NLRX1: variants seen among roughly 807,000 people sequenced by gnomAD.
NLRX1 encodes the protein NLR family member X1.
NLRX1 carries 67 observed loss-of-function variants against 74.2 expected under a neutral mutation model. The ratio of observed to expected loss-of-function variants is 0.90; its 90% CI spans 0.74 to 1.11. The LOEUF is 1.11. Ranked by LOEUF, NLRX1 falls within the 50% of genes least tolerant of loss-of-function variation. The pLI, the probability that NLRX1 is intolerant of heterozygous loss-of-function variation, is 0.00. For missense variants in NLRX1, 1,191 were observed against 1,305.4 expected, an observed-to-expected ratio of 0.91 and a Z score of 1.35; for synonymous variants, 506 against 559.1, an observed-to-expected ratio of 0.91 and a Z score of 1.34.
intron 6 of NLRX1, among the ~76,000 whole-genome samples, chr11:119,175,709 G>A (rs926279371): frequency 6.6e-6 from 1 of 152,098 alleles, no homozygotes; most frequent in African/African-American, 2.4e-5. Flanking sequence ...CACCAGAGAC[G>A]GGTTTATAAA....
Position 119,183,736 on chromosome 11 carries a change from C to G in NLRX1, c.*297C>G. The G allele has an allele frequency of 1.3e-6, 1 of 777,132 alleles. No individual in the cohort carries two copies. The highest frequency in any genetic ancestry group is 2.4e-6 in the Non-Finnish European group (1 of 417,574). 48.1% of individuals were successfully genotyped at this position (777,132 alleles called of 1,614,324 possible). On this transcript the variant is annotated 3_prime_UTR_variant, in exon 10 of 10. Transcript: ENST00000409109. The surrounding 1 kb of genome is among the most constrained non-coding windows in gnomAD (Gnocchi z 5.7). ...TGGATGGCCAGAGTGCCCTGAAGCA[C>G]CACTACCAACCTTGCCTCCCCCTCC...
rs1948786350 is a variant in NLRX1, at chr11:119,179,817, C to T, written c.1796C>T (p.Ala599Val). The change falls in exon 7 of 10, where the codon GCC becomes GTC. Residue 599 changes from alanine to valine, a missense_variant. Ala to Val is a moderately conservative substitution (Grantham distance 64). Coordinates refer to ENST00000409109, the MANE Select transcript of NLRX1 (RefSeq NM_001282144.2). ...YNDDVLDQMG[A>V]SILGVEGPRR... ...GATGATGTTCTGGACCAGATGGGCG[C>T]CAGTATCCTGGGCGTGGAGGGCCCC... 6.2e-7 allele frequency: 1 copy of T among 1,614,198 alleles called. No homozygotes were observed. Among genetic ancestry groups the T allele is most frequent in the Non-Finnish European group, 8.5e-7 (1 of 1,180,042 alleles).
At chr11:119,177,091 T>C (rs1029573424) in intron 6 of NLRX1, among the ~76,000 whole-genome samples, 4 of 152,128 alleles carry the variant, frequency 2.6e-5, no homozygotes, top group African/African-American at 9.7e-5. Flanking sequence ...TTTGTTTGTT[T>C]GTTTTTTTGA....
rs576632361 is a variant in NLRX1 at position 119,174,222 on chromosome 11, C to T, written c.849+124C>T. 5.2e-4 allele frequency: 660 copies of T among 1,264,684 alleles called. 15 individuals are homozygous for T. The South Asian group carries it at 8.8e-3, about 17-fold the overall frequency. The allele number at this position is 1,264,684 out of a possible 1,614,324, so 78.3% of individuals were successfully genotyped here. A position where few individuals can be genotyped will look rare whatever the true frequency, so the allele number is the denominator to read the frequency against. The stretch of plus-strand genomic sequence containing the variant: ...GCGACCCTGAGCAAGTCAGTAACTT[C>T]CCCAGCCTTCTGTTCCTTTCTTTTT... On this transcript the variant is annotated intron_variant, in intron 5 of 9. Coordinates refer to ENST00000409109, the MANE Select transcript of NLRX1 (RefSeq NM_001282144.2).
In NLRX1 at chr11:119,174,965, G is replaced by A. The variant is rs1232041387; in HGVS notation, c.1362G>A (p.Glu454=). The A allele has an allele frequency of 6.2e-7, 1 of 1,614,076 alleles. No homozygotes were observed. The highest frequency in any genetic ancestry group is 8.5e-7 in the Non-Finnish European group (1 of 1,180,048). ...FSEEDVCGCL[E]AGIRTEEEFQ... ...AAGAGGATGTCTGTGGCTGCCTGGA[G>A]GCTGGCATCAGGACGGAGGAGGAGT... The change falls in exon 6 of 10, where the codon GAG becomes GAA. Residue 454 remains glutamate (E), a synonymous_variant. Coordinates refer to ENST00000409109, the MANE Select transcript of NLRX1 (RefSeq NM_001282144.2).
rs142253287 is a variant in NLRX1, at chr11:119,183,319, A to T, written c.2808A>T (p.Leu936=). 1 of 1,614,204 alleles carries T rather than the reference A, an allele frequency of 6.2e-7. No homozygotes were observed. Among genetic ancestry groups the T allele is most frequent in the African/African-American group, 1.3e-5 (1 of 75,050 alleles). ...GGGTTCAGCGACACCTTGAGCTCCT[A>T]CTGCGGGATCTGGAAGATAGCCGGG... The part of the protein sequence containing the change: ...RARVQRHLEL[L]LRDLEDSRGA... The change falls in exon 10 of 10, where the codon CTA becomes CTT. Residue 936 remains leucine, a synonymous_variant. Coordinates refer to ENST00000409109, the MANE Select transcript of NLRX1 (RefSeq NM_001282144.2). The surrounding 1 kb of genome is among the most constrained non-coding windows in gnomAD (Gnocchi z 5.7).
chr11:119,173,340 G>C lies in NLRX1; in HGVS notation c.230-139G>C. 1.1e-6 allele frequency: 1 copy of C among 913,144 alleles called. No individual in the cohort carries two copies. Among genetic ancestry groups the C allele is most frequent in the Non-Finnish European group, 1.7e-6 (1 of 599,002 alleles). The allele number at this position is 913,144 out of a possible 1,614,324, so 56.6% of individuals were successfully genotyped here. On this transcript the variant is annotated intron_variant, in intron 4 of 9. Transcript: ENST00000409109. The surrounding 1 kb of genome is among the most constrained non-coding windows in gnomAD (Gnocchi z 4.0). The stretch of plus-strand genomic sequence containing the variant: ...TCTGGACAGTCTATATTTTCTCAGG[G>C]AGTCTTGTGTGCCCACCATTGTGGG...
intron 2 of NLRX1, among the ~76,000 whole-genome samples, chr11:119,172,071 C>T (rs751586823): frequency 6.6e-6 from 1 of 152,144 alleles, no homozygotes; most frequent in African/African-American, 2.4e-5. Flanking sequence ...GAGTGCCTGC[C>T]GTACCGCAGA....
At position 119,180,011 on chromosome 11, in the gene NLRX1, A is replaced by AAGCTGGGCC. The variant is rs1565833392; in HGVS notation, c.1991_1999dup (p.Gly666_Arg667insGlnLeuGly). On this transcript the variant is annotated inframe_insertion, in exon 7 of 10. Transcript: ENST00000409109. Reference sequence around the variant, plus strand: ...CCAGGCCATCAAGAAGAAGCTGGGCAAGCTGGGCCGGCAGGTGCTGCCCCC... The same window carrying AAGCTGGGCC: ...CCAGGCCATCAAGAAGAAGCTGGGCAAGCTGGGCCAGCTGGGCCGGCAGGTGCTGCCCCC... 1 of 1,613,732 alleles carries AAGCTGGGCC rather than the reference A, an allele frequency of 6.2e-7. No individual in the cohort carries two copies. Among genetic ancestry groups the AAGCTGGGCC allele is most frequent in the East Asian group, 2.2e-5 (1 of 44,878 alleles).
chr11:119,182,572 A>G (rs2135196951), intron 9 of NLRX1, among the ~76,000 whole-genome samples: 1 of 152,028 alleles, frequency 6.6e-6, no homozygotes, highest in East Asian at 1.9e-4. Context: ...CTAAAGCCCT[A>G]CTGTCTCTGG....
rs948838155 is a variant in NLRX1, at chr11:119,173,637, C to A, written c.388C>A (p.Leu130Met). The part of the protein sequence containing the change: ...PDELLRPPAE[L>M]ALEHQPPQAG... ...TGAGCTACTTCGCCCACCCGCGGAG[C>A]TGGCCCTGGAGCATCAGCCACCCCA... Residue 130 changes from leucine (L) to methionine (M), a missense_variant, in exon 5 of 10, where the codon CTG becomes ATG. By Grantham distance (15) the Leu-to-Met change is conservative. Coordinates refer to ENST00000409109, the MANE Select transcript of NLRX1 (RefSeq NM_001282144.2). The surrounding 1 kb of genome is among the most constrained non-coding windows in gnomAD (Gnocchi z 4.0). 1.7e-5 allele frequency: 28 copies of A among 1,614,156 alleles called. No individual in the cohort carries two copies. The highest frequency in any genetic ancestry group is 2.3e-5 in the Non-Finnish European group (27 of 1,180,042).
At chr11:119,172,821 C>G (rs992429418) in intron 3 of NLRX1, 80 bp from the exon 4 acceptor site, 1 of 1,011,698 alleles carries the variant, frequency 9.9e-7, no homozygotes, top group African/African-American at 1.6e-5. Flanking sequence ...TCTAGCAGTG[C>G]AGATAGGCTT....
Position 119,182,336 on chromosome 11 carries a change from A to G in NLRX1, c.2597A>G (p.Glu866Gly), listed in dbSNP as rs1009469572. ...GCTGCCCGGGAGCACCCTTCCCTGGAACTGCTACAGTGAGTCCTGTCCCTG... is the reference window on the plus strand; with the variant it reads ...GCTGCCCGGGAGCACCCTTCCCTGGGACTGCTACAGTGAGTCCTGTCCCTG... The part of the protein sequence containing the change: ...ARAAREHPSL[E>G]LLHLYFNELS... The change falls in exon 9 of 10, where the codon GAA (glutamate) becomes GGA (glycine). Residue 866 changes from glutamate to glycine, a missense_variant. Physicochemically the swap from Glu to Gly is moderately conservative, Grantham distance 98. Coordinates refer to ENST00000409109, the MANE Select transcript of NLRX1 (RefSeq NM_001282144.2). The G allele has an allele frequency of 1.2e-6, 2 of 1,612,090 alleles. No individual in the cohort carries two copies. Among genetic ancestry groups the G allele is most frequent in the African/African-American group, 2.7e-5 (2 of 74,910 alleles).
intron 2 of NLRX1, 102 bp downstream of exon 2, chr11:119,171,575 T>A: frequency 2.6e-6 from 2 of 782,848 alleles, no homozygotes; most frequent in Non-Finnish European, 4.3e-6. Context: ...GGTGCACTAG[T>A]CTCAGCTCCG....
chr11:119,172,849 AG>A (rs1948588077), intron 3 of NLRX1, 51 bp from the exon 4 acceptor site: 1 of 1,352,564 alleles, frequency 7.4e-7, no homozygotes, highest in Non-Finnish European at 1.1e-6. Context: ...GAGCCTGTGA[AG>A]GGGCTGATCC....
chr11:119,174,908 G>A lies in NLRX1; in HGVS notation c.1305G>A (p.Glu435=), dbSNP rs148396251. 1 of 1,614,058 alleles carries A rather than the reference G, an allele frequency of 6.2e-7. No homozygotes were observed. The highest frequency in any genetic ancestry group is 1.1e-5 in the South Asian group (1 of 91,090). ...AARTMGKLAY[E]GVSSRKTYFS... is the part of the protein sequence containing the mutation. ...GAACCATGGGCAAGTTGGCCTATGA[G>A]GGGGTGTCCTCCCGCAAGACCTACT... Residue 435 remains glutamate, a synonymous_variant, in exon 6 of 10, where the codon GAG becomes GAA. Coordinates refer to ENST00000409109, the MANE Select transcript of NLRX1 (RefSeq NM_001282144.2).
Position 119,183,686 on chromosome 11 carries a change from T to C in NLRX1, c.*247T>C, listed in dbSNP as rs748606724. 5 of 749,506 alleles carry C rather than the reference T, an allele frequency of 6.7e-6. No individual in the cohort carries two copies. The South Asian group carries it at 7.0e-5, about 11-fold the overall frequency. 46.4% of individuals were successfully genotyped at this position (749,506 alleles called of 1,614,324 possible). Reference sequence around the variant, plus strand: ...GGAACATGCCTCCTCTCCATTCAGCTAGAAGGACCAAAGCATGTGGCATTT... The same window carrying C: ...GGAACATGCCTCCTCTCCATTCAGCCAGAAGGACCAAAGCATGTGGCATTT... On this transcript the variant is annotated 3_prime_UTR_variant, in exon 10 of 10. Transcript: ENST00000409109. The surrounding 1 kb of genome is among the most constrained non-coding windows in gnomAD (Gnocchi z 5.7).
At position 119,180,060 on chromosome 11, in the gene NLRX1, T is replaced by C. The variant is rs751071207; in HGVS notation, c.2039T>C (p.Phe680Ser). The change falls in exon 7 of 10, where the codon TTC becomes TCC. Residue 680 changes from phenylalanine to serine, a missense_variant. Transcript: ENST00000409109. ...LPPSELLDHLFFHYEFQNQRF... is the reference protein window; with the variant it reads ...LPPSELLDHLSFHYEFQNQRF... ...CCATCAGAGCTCCTTGACCACCTCTTCTTCCACTATGAGTTCCAGAACCAG... is the reference window on the plus strand; with the variant it reads ...CCATCAGAGCTCCTTGACCACCTCTCCTTCCACTATGAGTTCCAGAACCAG... The C allele has an allele frequency of 1.2e-6, 2 of 1,613,540 alleles. No homozygotes were observed. Among genetic ancestry groups the C allele is most frequent in the African/African-American group, 2.7e-5 (2 of 74,940 alleles).
chr11:119,174,221 TC>T, intron 5 of NLRX1, 123 bp downstream of exon 5: 3 of 1,268,370 alleles, frequency 2.4e-6, no homozygotes, highest in South Asian at 3.0e-5. Context: ...GTCAGTAACT[TC>T]CCCAGCCTTC....
Sources: allele counts gnomAD v4.1 joint callset (sites outside exome capture counted in the v4.1 genomes callset), GRCh38; gene constraint gnomAD v4.1.1; non-coding constraint Gnocchi (gnomAD v3.1); transcripts MANE v1.5; gene names NCBI Gene and HGNC (gene_info 2026-07-23, HGNC 2026-07-21).